ZDHHC15: variants seen among roughly 807,000 people sequenced by gnomAD.
The protein encoded by ZDHHC15 is zDHHC palmitoyltransferase 15.
In ZDHHC15, 19 loss-of-function variants were observed where a neutral mutation model predicts 31.7. That is an observed-to-expected ratio of 0.60 (90% CI 0.42 to 0.88). The LOEUF is 0.88. Among genes scored for constraint, ZDHHC15 ranks in the 40% least tolerant of loss-of-function variants. ZDHHC15 has a pLI of 0.00. For missense variants in ZDHHC15, 209 were observed against 251.2 expected (o/e 0.83, Z 1.14); for synonymous variants, 103 against 90.0 (o/e 1.14, Z -0.82).
At chrX:75,415,205 A>G (rs1220204881) in intron 10 of ZDHHC15, among the ~76,000 whole-genome samples, 3 of 112,164 alleles carry the variant, frequency 2.7e-5, no homozygotes, top group Non-Finnish European at 5.6e-5. Context: ...CTAGGAATCT[A>G]AGTTGTTAAA....
At chrX:75,407,016 G>A (rs945353915) in intron 10 of ZDHHC15, among the ~76,000 whole-genome samples, 14 of 112,549 alleles carry the variant, frequency 1.2e-4, no homozygotes, top group South Asian at 7.3e-4. Flanking sequence ...GTGCAGTGGC[G>A]TGATCTTGGC....
intron 2 of ZDHHC15, among the ~76,000 whole-genome samples, chrX:75,491,746 G>C (rs1478799604): frequency 9.0e-6 from 1 of 111,278 alleles, no homozygotes; most frequent in East Asian, 2.8e-4. Flanking sequence ...AATGCTGAGA[G>C]ATTTTGTCAC....
intron 3 of ZDHHC15, among the ~76,000 whole-genome samples, chrX:75,465,668 G>A (rs1193254223): frequency 9.0e-6 from 1 of 111,291 alleles, no homozygotes; most frequent in East Asian, 2.8e-4. Flanking sequence ...TGTGATCTTT[G>A]ACAAACCTGA....
At chrX:75,420,626 T>G (rs774771857) in intron 9 of ZDHHC15, among the ~76,000 whole-genome samples, 12 of 110,973 alleles carry the variant, frequency 1.1e-4, no homozygotes, top group African/African-American at 2.9e-4. Context: ...TATGCAACCA[T>G]CAAAAAAATG....
chrX:75,421,784 G>C (rs1267285779), intron 9 of ZDHHC15, 80 bp downstream of exon 9: 3 of 1,078,718 alleles, frequency 2.8e-6, no homozygotes, highest in Non-Finnish European at 3.8e-6. Flanking sequence ...GATACCTGCT[G>C]CATACTACAA....
At chrX:75,414,440 T>TC (rs1249613936) in intron 10 of ZDHHC15, among the ~76,000 whole-genome samples, 1 of 93,674 alleles carries the variant, frequency 1.1e-5, no homozygotes, top group African/African-American at 3.8e-5. Context: ...TTTTTTTTTT[T>TC]TTTTTTTGAG....
chrX:75,430,677 C>G (rs1161891665), intron 5 of ZDHHC15, among the ~76,000 whole-genome samples: 1 of 111,544 alleles, frequency 9.0e-6, no homozygotes, highest in Non-Finnish European at 1.9e-5. Context: ...AAGAGTAAAG[C>G]ATAGAAAGGA....
At chrX:75,467,058 G>T (rs771409506) in intron 3 of ZDHHC15, among the ~76,000 whole-genome samples, 1 of 111,310 alleles carries the variant, frequency 9.0e-6, no homozygotes, top group African/African-American at 3.3e-5. Flanking sequence ...AAAAGTTTAA[G>T]ACAAAGAAAA....
chrX:75,506,901 T>C (rs2085174822), intron 1 of ZDHHC15, among the ~76,000 whole-genome samples: 1 of 112,004 alleles, frequency 8.9e-6, no homozygotes, highest in Non-Finnish European at 1.9e-5. Flanking sequence ...GGCTGAATAC[T>C]TGCAGCTAAA....
At chrX:75,469,669 A>G (rs1200712415) in intron 3 of ZDHHC15, among the ~76,000 whole-genome samples, 1 of 111,925 alleles carries the variant, frequency 8.9e-6, no homozygotes. Context: ...TATTGTGAAT[A>G]ACACTATAAA....
intron 3 of ZDHHC15, among the ~76,000 whole-genome samples, chrX:75,466,307 G>A (rs768713639): frequency 8.9e-6 from 1 of 111,892 alleles, no homozygotes; most frequent in Non-Finnish European, 1.9e-5. Flanking sequence ...TGCTGACAAG[G>A]TTGCAGATAA....
In ZDHHC15 at chrX:75,484,241, TA is replaced by T. The variant is rs749096229; in HGVS notation, c.164-5257del. Among the ~76,000 whole-genome samples the T allele has an allele frequency of 3.9e-4, 43 of 111,575 alleles. 1 individual carries two copies. The East Asian group carries it at 8.5e-3, about 22-fold the overall frequency. ...TTAGACACATTTTCCTCATATCAAGTATATATATACCTCCTCACAACTCCCT... is the reference window on the plus strand; with the variant it reads ...TTAGACACATTTTCCTCATATCAAGTTATATATACCTCCTCACAACTCCCT... On this transcript the variant is annotated intron_variant, in intron 2 of 11. Transcript: ENST00000373367.
At chrX:75,384,530 G>A in intron 10 of ZDHHC15, 1 of 813,292 alleles carries the variant, frequency 1.2e-6, no homozygotes, top group Non-Finnish European at 1.8e-6. Flanking sequence ...GGCAAAACTG[G>A]AAGAGTCTAC....
intron 2 of ZDHHC15, among the ~76,000 whole-genome samples, chrX:75,488,364 C>T (rs1188317908): frequency 8.9e-6 from 1 of 111,847 alleles, no homozygotes; most frequent in Admixed American, 9.5e-5. Flanking sequence ...GGGTCCTATC[C>T]TTAGCCACCT....
chrX:75,513,623 C>G (rs1393510189), intron 1 of ZDHHC15, among the ~76,000 whole-genome samples: 1 of 111,027 alleles, frequency 9.0e-6, no homozygotes, highest in Non-Finnish European at 1.9e-5. Context: ...CAGCCTATAT[C>G]CTAACATACT....
intron 2 of ZDHHC15, among the ~76,000 whole-genome samples, chrX:75,488,434 A>T (rs1295235457): frequency 8.9e-6 from 1 of 112,193 alleles, no homozygotes; most frequent in Non-Finnish European, 1.9e-5. Flanking sequence ...TTCATAAATG[A>T]AGGAGAAATA....
intron 3 of ZDHHC15, among the ~76,000 whole-genome samples, chrX:75,459,977 G>A (rs1487772236): frequency 8.9e-6 from 1 of 111,984 alleles, no homozygotes; most frequent in African/African-American, 3.2e-5. Context: ...CCAGGTTCAA[G>A]CGATTTTCCT....
intron 3 of ZDHHC15, among the ~76,000 whole-genome samples, chrX:75,464,104 C>T (rs1260402388): frequency 4.5e-5 from 5 of 111,713 alleles, no homozygotes; most frequent in African/African-American, 1.6e-4. Context: ...ACTATGCAGC[C>T]ATATAAAAGG....
At chrX:75,499,778 T>C (rs2085062543) in intron 2 of ZDHHC15, among the ~76,000 whole-genome samples, 1 of 111,786 alleles carries the variant, frequency 8.9e-6, no homozygotes, top group African/African-American at 3.2e-5. Context: ...CTACTATGTA[T>C]CTTTGGTTTA....
Sources: gnomAD v4.1 joint callset for allele counts (sites outside exome capture counted in the v4.1 genomes callset) on GRCh38, gnomAD v4.1.1 for gene constraint, MANE v1.5 for transcripts, NCBI Gene and HGNC (gene_info 2026-07-23, HGNC 2026-07-21) for gene names.